LY96: variants seen among roughly 807,000 people sequenced by gnomAD.
LY96 encodes the protein myeloid differentiation protein-2.
Under a neutral mutation model 18.9 loss-of-function variants are expected in LY96, and 18 were observed. That is an observed-to-expected ratio of 0.95 (90% CI 0.66 to 1.41). The LOEUF is 1.41. LY96 is among the 40% of genes most tolerant of loss of function. The pLI is 0.00. For missense variants in LY96, 175 were observed against 182.4 expected (o/e 0.96, Z 0.23); for synonymous variants, 66 against 62.6 (o/e 1.06, Z -0.26).
At chr8:74,021,958 A>T (rs1417732400) in intron 3 of LY96, among the ~76,000 whole-genome samples, 2 of 152,124 alleles carry the variant, frequency 1.3e-5, no homozygotes, top group Non-Finnish European at 2.9e-5. Context: ...CATTAGGAGA[A>T]ATACCTAATG....
chr8:74,067,458 A>G, the LY96 span, among the ~76,000 whole-genome samples: 1 of 151,908 alleles, frequency 6.6e-6, no homozygotes, highest in Non-Finnish European at 1.5e-5. Flanking sequence ...GCTTCAAGTG[A>G]TCCTCTTGTA....
At chr8:74,078,526 A>T in the LY96 span, among the ~76,000 whole-genome samples, 2 of 152,328 alleles carry the variant, frequency 1.3e-5, no homozygotes, top group East Asian at 3.9e-4. Flanking sequence ...CATATTTGGG[A>T]ACTCATCCAA....
chr8:74,095,389 G>A, the LY96 span, among the ~76,000 whole-genome samples: 7,609 of 152,230 alleles, frequency 0.05, 389 homozygotes, highest in African/African-American at 0.13. Flanking sequence ...CATAGGGATT[G>A]TTGCTTCTTC....
the LY96 span, among the ~76,000 whole-genome samples, chr8:74,044,182 A>T: frequency 7.7e-4 from 117 of 152,250 alleles, 1 homozygote; most frequent in African/African-American, 2.7e-3. Flanking sequence ...TACATAAAAA[A>T]AATTTTCTTT....
chr8:74,031,375 C>T (rs887382532), downstream of LY96, among the ~76,000 whole-genome samples: 5 of 152,298 alleles, frequency 3.3e-5, no homozygotes, highest in African/African-American at 1.2e-4. Flanking sequence ...CGCCTGTAAT[C>T]CCAGCACTTT....
chr8:74,026,889 G>A (rs1232339612), intron 4 of LY96, 48 bp downstream of exon 4: 1 of 932,906 alleles, frequency 1.1e-6, no homozygotes, highest in Non-Finnish European at 1.8e-6. Flanking sequence ...AGCAGTAATA[G>A]ACATGTTAAG....
Position 74,002,062 on chromosome 8 carries a change from C to CTTTCTTTCTTTCTTT in LY96, c.113-2734_113-2733insTTTCTTTCTTTCTTT, listed in dbSNP as rs1563710783. Among the ~76,000 whole-genome samples the CTTTCTTTCTTTCTTT allele has an allele frequency of 6.8e-4, 20 of 29,316 alleles. 3 individuals carry two copies. The highest frequency in any genetic ancestry group is 9.6e-4 in the Admixed American group (2 of 2,094). 19.2% of individuals were successfully genotyped at this position (29,316 alleles called of 152,430 possible). On this transcript the variant is annotated intron_variant, in intron 1 of 4. Coordinates refer to ENST00000284818, the MANE Select transcript of LY96 (RefSeq NM_015364.5). ...TCCTTCCTTCCTTCCTTCCTTCCTT[C>CTTTCTTTCTTTCTTT]CTTCCTTCCTTCCTTTCTTTCTTTC...
chr8:73,992,897 C>T (rs1816037074), intron 1 of LY96, among the ~76,000 whole-genome samples: 1 of 146,502 alleles, frequency 6.8e-6, no homozygotes, highest in South Asian at 2.2e-4. Context: ...GCTCTGTTGC[C>T]AGGCTGGAGT....
At chr8:74,064,464 G>A in the LY96 span, among the ~76,000 whole-genome samples, 3 of 152,112 alleles carry the variant, frequency 2.0e-5, no homozygotes, top group Non-Finnish European at 4.4e-5. Context: ...AGAGCTGATT[G>A]TTTATTTTTA....
At chr8:74,037,398 G>T in the LY96 span, among the ~76,000 whole-genome samples, 1 of 152,160 alleles carries the variant, frequency 6.6e-6, no homozygotes, top group Admixed American at 6.5e-5. Context: ...GGAGGCTGAG[G>T]TGGGAGAATT....
chr8:74,024,987 C>CTA (rs1816839716), intron 3 of LY96, among the ~76,000 whole-genome samples: 2 of 152,056 alleles, frequency 1.3e-5, no homozygotes, highest in African/African-American at 2.4e-5. Context: ...GCACCACACC[C>CTA]ATCTTTCTTT....
At chr8:74,066,694 T>C in the LY96 span, among the ~76,000 whole-genome samples, 1 of 152,118 alleles carries the variant, frequency 6.6e-6, no homozygotes, top group African/African-American at 2.4e-5. Context: ...AGGAGCAGAT[T>C]TGTGTTTTTA....
chr8:74,086,435 C>G, the LY96 span, among the ~76,000 whole-genome samples: 1 of 152,232 alleles, frequency 6.6e-6, no homozygotes, highest in African/African-American at 2.4e-5. Context: ...GGAGGCCTGT[C>G]TCACTATCTC....
At chr8:74,073,955 C>T in the LY96 span, among the ~76,000 whole-genome samples, 1 of 151,644 alleles carries the variant, frequency 6.6e-6, no homozygotes, top group South Asian at 2.1e-4. Flanking sequence ...AGCGCCTGAC[C>T]TGATGAATTT....
chr8:74,074,254 C>A, the LY96 span, among the ~76,000 whole-genome samples: 146 of 152,354 alleles, frequency 9.6e-4, 1 homozygote, highest in Middle Eastern at 6.8e-3. Flanking sequence ...CCTGCCTCAG[C>A]TTCCCAAAGT....
chr8:74,068,778 TTTTTC>T, the LY96 span, among the ~76,000 whole-genome samples: 1 of 152,188 alleles, frequency 6.6e-6, no homozygotes, highest in African/African-American at 2.4e-5. Flanking sequence ...TAAAAAATTG[TTTTTC>T]TTTTCTTATT....
chr8:74,061,741 T>C, the LY96 span, among the ~76,000 whole-genome samples: 25 of 152,328 alleles, frequency 1.6e-4, no homozygotes, highest in Middle Eastern at 6.8e-3. Context: ...AGTTGTGCAT[T>C]TTCAACTTTT....
At chr8:74,088,531 A>G in the LY96 span, among the ~76,000 whole-genome samples, 1 of 151,632 alleles carries the variant, frequency 6.6e-6, no homozygotes, top group Admixed American at 6.6e-5. Flanking sequence ...CCTCCCCTCA[A>G]CCTCTAAGCT....
intron 1 of LY96, among the ~76,000 whole-genome samples, chr8:74,003,337 G>A (rs1031051839): frequency 2.0e-5 from 3 of 152,182 alleles, no homozygotes; most frequent in Admixed American, 6.5e-5. Flanking sequence ...TCTAAAAGGG[G>A]GTGGGCTAGC....
Sources: gnomAD v4.1 joint callset for allele counts (sites outside exome capture counted in the v4.1 genomes callset) on GRCh38, gnomAD v4.1.1 for gene constraint, MANE v1.5 for transcripts, NCBI Gene and HGNC (gene_info 2026-07-23, HGNC 2026-07-21) for gene names.